The following REG4 variants were observed in gnomAD, a reference collection of about 807,000 sequenced individuals.
REG4 encodes regenerating family member 4, also known as regenerating islet-derived protein 4.
Under a neutral mutation model 22.3 loss-of-function variants are expected in REG4, and 16 were observed. The ratio of observed to expected loss-of-function variants is 0.72; its 90% CI spans 0.49 to 1.09. REG4 has a LOEUF of 1.09. REG4 is among the 50% of genes least tolerant of loss of function. The pLI is 0.00. For missense variants in REG4, 214 were observed against 193.9 expected, an observed-to-expected ratio of 1.10 and a Z score of -0.61; for synonymous variants, 71 against 69.2, an observed-to-expected ratio of 1.03 and a Z score of -0.13.
In REG4 at chr1:119,799,827, C is replaced by T. The variant is rs112419394; in HGVS notation, c.201G>A (p.Leu67=). The T allele has an allele frequency of 1.2e-6, 2 of 1,614,148 alleles. No homozygotes were observed. The highest frequency in any genetic ancestry group is 2.2e-5 in the South Asian group (2 of 91,056). Residue 67 remains leucine (L), a synonymous_variant, in exon 4 of 6, where the codon CTG becomes CTA. Transcript: ENST00000256585. ...CTTCCTTTAAACTCAGGATAGATGCCAGGTGGGCTCCGTTTCCGTAAGACT... is the reference window on the plus strand; with the variant it reads ...CTTCCTTTAAACTCAGGATAGATGCTAGGTGGGCTCCGTTTCCGTAAGACT... ...ECQSYGNGAH[L]ASILSLKEAS...
intron 4 of REG4, among the ~76,000 whole-genome samples, chr1:119,799,233 G>A (rs1007056212): frequency 1.3e-5 from 2 of 151,628 alleles, no homozygotes; most frequent in Admixed American, 1.3e-4. Context: ...AACCACTCAC[G>A]TCATTTCTTA....
At chr1:119,811,045 C>G (rs1654480108) in intron 1 of REG4, among the ~76,000 whole-genome samples, 1 of 152,040 alleles carries the variant, frequency 6.6e-6, no homozygotes, top group Non-Finnish European at 1.5e-5. Context: ...CAGAGCAAGA[C>G]TCCATAAAAA....
In REG4 at chr1:119,794,150, G is replaced by A. The variant is rs755129380; in HGVS notation, c.*468C>T. The A allele has an allele frequency of 1.5e-5, 8 of 534,180 alleles. No individual in the cohort carries two copies. In the Admixed American group the frequency reaches 1.6e-4, roughly 10 times the overall value. The allele number at this position is 534,180 out of a possible 1,614,324, so 33.1% of individuals were successfully genotyped here. On this transcript the variant is annotated 3_prime_UTR_variant, in exon 6 of 6. Coordinates refer to ENST00000256585, the MANE Select transcript of REG4 (RefSeq NM_032044.4). ...ACATCAACCTAGCAAGGATTCTACTGGTAAACCTTCCCATGGCCAAAGGAA... is the reference window on the plus strand; with the variant it reads ...ACATCAACCTAGCAAGGATTCTACTAGTAAACCTTCCCATGGCCAAAGGAA...
At chr1:119,795,863 G>A (rs1653925626) in intron 5 of REG4, among the ~76,000 whole-genome samples, 1 of 152,256 alleles carries the variant, frequency 6.6e-6, no homozygotes, top group Non-Finnish European at 1.5e-5. Context: ...CATGGGCCAG[G>A]CTTGAGACTG....
chr1:119,802,255 T>C, intron 3 of REG4: 1 of 841,686 alleles, frequency 1.2e-6, no homozygotes, highest in South Asian at 5.5e-5. Context: ...ACTCATGCTG[T>C]ATGGAAATGT....
In REG4 at chr1:119,794,536, A is replaced by G; in HGVS notation, c.*82T>C. 7.7e-7 allele frequency: 1 copy of G among 1,300,102 alleles called. No individual in the cohort carries two copies. The highest frequency in any genetic ancestry group is 1.1e-6 in the Non-Finnish European group (1 of 894,308). 80.5% of individuals were successfully genotyped at this position (1,300,102 alleles called of 1,614,324 possible). ...CTTAGTTTGCTAGGTTTCCCCTCTG[A>G]AATAATGAGCAGATTTAGCCAGGCT... On this transcript the variant is annotated 3_prime_UTR_variant, in exon 6 of 6. Coordinates refer to ENST00000256585, the MANE Select transcript of REG4 (RefSeq NM_032044.4).
intron 5 of REG4, among the ~76,000 whole-genome samples, chr1:119,797,372 AGT>A (rs1273392359): frequency 1.3e-5 from 2 of 152,162 alleles, no homozygotes; most frequent in African/African-American, 4.8e-5. Flanking sequence ...CTTTCCTCAG[AGT>A]GTGTCTCCTC....
intron 2 of REG4, among the ~76,000 whole-genome samples, chr1:119,803,572 G>A (rs1654191747): frequency 6.6e-6 from 1 of 152,094 alleles, no homozygotes; most frequent in Non-Finnish European, 1.5e-5. Flanking sequence ...ATGCATAATT[G>A]GAATATACAT....
At chr1:119,798,470 G>A in intron 5 of REG4, 27 bp downstream of exon 5, 1 of 1,557,908 alleles carries the variant, frequency 6.4e-7, no homozygotes, top group Non-Finnish European at 8.9e-7. Flanking sequence ...ATTGGGAAGT[G>A]GTGAGGGGTG....
chr1:119,799,004 T>A (rs113154549), intron 4 of REG4, among the ~76,000 whole-genome samples: 232 of 152,302 alleles, frequency 1.5e-3, no homozygotes, highest in African/African-American at 5.3e-3. Flanking sequence ...AGCCATAAGA[T>A]GTTTATAGAC....
intron 1 of REG4, among the ~76,000 whole-genome samples, chr1:119,811,166 A>G (rs768974908): frequency 3.3e-5 from 5 of 152,240 alleles, no homozygotes; most frequent in African/African-American, 1.2e-4. Flanking sequence ...TAACTTTTCT[A>G]AAGTTTCCCA....
intron 4 of REG4, 152 bp downstream of exon 4, chr1:119,799,573 T>C: frequency 2.1e-6 from 2 of 953,976 alleles, no homozygotes; most frequent in South Asian, 1.8e-5. Context: ...ACTGGGCCCC[T>C]GACCTTGAGA....
chr1:119,797,694 G>A (rs1182550150), intron 5 of REG4, among the ~76,000 whole-genome samples: 6 of 152,172 alleles, frequency 3.9e-5, no homozygotes, highest in Non-Finnish European at 5.9e-5. Context: ...TTTCTACACC[G>A]CTTATTAATC....
At chr1:119,807,096 T>A (rs1426040147) in intron 2 of REG4, among the ~76,000 whole-genome samples, 1 of 152,218 alleles carries the variant, frequency 6.6e-6, no homozygotes, top group South Asian at 2.1e-4. Context: ...ATGATGTTGC[T>A]CTATGTCTCT....
intron 2 of REG4, among the ~76,000 whole-genome samples, chr1:119,806,263 C>A (rs1654314442): frequency 6.6e-6 from 1 of 152,154 alleles, no homozygotes; most frequent in African/African-American, 2.4e-5. Flanking sequence ...ATTTATTGAG[C>A]ATTTACTATG....
chr1:119,798,776 C>A (rs1654009383), intron 4 of REG4, among the ~76,000 whole-genome samples, 174 bp from the exon 5 acceptor site: 1 of 152,142 alleles, frequency 6.6e-6, no homozygotes, highest in Admixed American at 6.5e-5. Flanking sequence ...AATAGGAAAA[C>A]ATTACCAATA....
Position 119,794,099 on chromosome 1 carries a change from T to C in REG4, c.*519A>G, listed in dbSNP as rs774846599. On this transcript the variant is annotated 3_prime_UTR_variant, in exon 6 of 6. Transcript: ENST00000256585. Reference sequence around the variant, plus strand: ...ACACAGCAACCTCTTATGTACACAATGGTTTATTAAAGGAATGTATGGCCC... The same window carrying C: ...ACACAGCAACCTCTTATGTACACAACGGTTTATTAAAGGAATGTATGGCCC... The C allele has an allele frequency of 9.4e-6, 5 of 533,176 alleles. No individual in the cohort carries two copies. The Admixed American group carries it at 9.7e-5, about 10-fold the overall frequency. 33.0% of individuals were successfully genotyped at this position (533,176 alleles called of 1,614,324 possible).
chr1:119,799,098 G>A (rs1310216313), intron 4 of REG4, among the ~76,000 whole-genome samples: 1 of 152,122 alleles, frequency 6.6e-6, no homozygotes, highest in Non-Finnish European at 1.5e-5. Flanking sequence ...TTAAGAAGCA[G>A]GAAGTATGGG....
chr1:119,799,417 C>T (rs1466578930), intron 4 of REG4, among the ~76,000 whole-genome samples: 15 of 30,390 alleles, frequency 4.9e-4, no homozygotes, highest in African/African-American at 2.6e-3. Flanking sequence ...CGTACACACA[C>T]ACACACACAC....
Sources: gnomAD v4.1 joint callset for allele counts (sites outside exome capture counted in the v4.1 genomes callset) on GRCh38, gnomAD v4.1.1 for gene constraint, MANE v1.5 for transcripts, NCBI Gene and HGNC (gene_info 2026-07-23, HGNC 2026-07-21) for gene names.